Variants in RAF1 observed in about 807,000 individuals in gnomAD.
RAF1 encodes RAF proto-oncogene serine/threonine-protein kinase.
A neutral mutation model predicts 81.1 loss-of-function variants in RAF1; 27 were observed. That is an observed-to-expected ratio of 0.33 (90% CI 0.25 to 0.46). RAF1 has a LOEUF of 0.46. RAF1 is among the 20% of genes least tolerant of loss of function. RAF1 has a pLI of 1.00. For missense variants in RAF1, 598 were observed against 826.0 expected, an observed-to-expected ratio of 0.72 and a Z score of 3.38; for synonymous variants, 298 against 294.0, an observed-to-expected ratio of 1.01 and a Z score of -0.14.
intron 1 of RAF1, among the ~76,000 whole-genome samples, chr3:12,660,938 C>T (rs962865108): frequency 8.5e-5 from 13 of 152,222 alleles, no homozygotes; most frequent in Admixed American, 2.0e-4. Context: ...CGCACCACTG[C>T]GCTAAAAAAA....
Position 12,585,758 on chromosome 3 carries a change from A to G in RAF1, c.1519T>C (p.Phe507Leu). The G allele has an allele frequency of 6.2e-7, 1 of 1,614,120 alleles. No individual in the cohort carries two copies. Among genetic ancestry groups the G allele is most frequent in the Non-Finnish European group, 8.5e-7 (1 of 1,179,956 alleles). Residue 507 changes from phenylalanine (F) to leucine (L), a missense_variant, in exon 15 of 18, where the codon TTT (phenylalanine) becomes CTT (leucine). Phe to Leu is a conservative substitution (Grantham distance 22). This residue lies in a region of RAF1 where 85 missense variants were observed against 185.6 expected (regional missense o/e 0.46). Transcript: ENST00000442415. Reference sequence around the variant, plus strand: ...CGTGACTTTACTGTTGCCAAACCAAAATCTCCAATTTTCACTGTTAAGCCT... The same window carrying G: ...CGTGACTTTACTGTTGCCAAACCAAGATCTCCAATTTTCACTGTTAAGCCT...
Position 12,634,443 on chromosome 3 carries a change from G to A in RAF1, c.-26-15696C>T, listed in dbSNP as rs995935838. Among the ~76,000 whole-genome samples, 5 of 152,012 alleles carry A rather than the reference G, an allele frequency of 3.3e-5. No homozygotes were observed. In the East Asian group the frequency reaches 5.8e-4, roughly 18 times the overall value. Reference sequence around the variant, plus strand: ...TGGGATTACGGGCTTGAGCCACCGCGCCTGGCCCGTAATTCCTTTCTCAAG... The same window carrying A: ...TGGGATTACGGGCTTGAGCCACCGCACCTGGCCCGTAATTCCTTTCTCAAG... On this transcript the variant is annotated intron_variant, in intron 1 of 17. Transcript: ENST00000442415.
At chr3:12,660,930 C>T (rs1559499425) in intron 1 of RAF1, among the ~76,000 whole-genome samples, 1 of 152,106 alleles carries the variant, frequency 6.6e-6, no homozygotes, top group Non-Finnish European at 1.5e-5. Context: ...GCCAAGATCG[C>T]ACCACTGCGC....
intron 1 of RAF1, among the ~76,000 whole-genome samples, chr3:12,631,573 T>C (rs2059861780): frequency 6.6e-6 from 1 of 152,210 alleles, no homozygotes. Context: ...CACTCCAGCC[T>C]AGGCGACACA....
intron 8 of RAF1, among the ~76,000 whole-genome samples, chr3:12,601,874 G>C (rs563021855): frequency 6.6e-6 from 1 of 152,314 alleles, no homozygotes; most frequent in East Asian, 1.9e-4. Context: ...AGCATGTTTT[G>C]GAGGGGAATG....
Position 12,662,747 on chromosome 3 carries a change from G to A in RAF1, c.-27+1066C>T, listed in dbSNP as rs1456923498. ...CACAGGTGTTTCAAAACTCGACTCA[G>A]AAGTCTCCTCGAGTGTAGAAGCTTC... On this transcript the variant is annotated intron_variant, in intron 1 of 17. Transcript: ENST00000442415. 2.6e-5 allele frequency among the ~76,000 whole-genome samples: 4 copies of A among 152,134 alleles called. No individual in the cohort carries two copies. The East Asian group carries it at 7.7e-4, about 29-fold the overall frequency.
At chr3:12,618,840 G>A in intron 1 of RAF1, 93 bp from the exon 2 acceptor site, 1 of 1,044,498 alleles carries the variant, frequency 9.6e-7, no homozygotes, top group Non-Finnish European at 1.4e-6. Flanking sequence ...ATAGCACTAT[G>A]TGGGTTTTTA....
intron 11 of RAF1, among the ~76,000 whole-genome samples, chr3:12,597,293 A>G (rs1403155226): frequency 2.0e-5 from 3 of 152,226 alleles, no homozygotes; most frequent in Non-Finnish European, 4.4e-5. Flanking sequence ...CACAGTTTGA[A>G]AGCTCACTCT....
rs1299696665 is a variant in RAF1 at position 12,585,381 on chromosome 3, T to TC, written c.1597-129dup. Reference sequence around the variant, plus strand: ...CATTCTTCAGTCCCCACATAGCTTTTCCCCCAAAGGACTCCAACTCAGGCA... The same window carrying TC: ...CATTCTTCAGTCCCCACATAGCTTTTCCCCCCAAAGGACTCCAACTCAGGCA... On this transcript the variant is annotated intron_variant, in intron 15 of 17. Transcript: ENST00000442415. 1.1e-5 allele frequency: 17 copies of TC among 1,545,480 alleles called. 1 individual carries two copies. The highest frequency in any genetic ancestry group is 1.1e-4 in the South Asian group (9 of 84,802).
chr3:12,633,633 TAAA>T (rs34440484), intron 1 of RAF1, among the ~76,000 whole-genome samples: 207 of 146,546 alleles, frequency 1.4e-3, no homozygotes, highest in South Asian at 2.4e-3. Flanking sequence ...CTTTTACAGT[TAAA>T]AAAAAAAAAA....
intron 1 of RAF1, among the ~76,000 whole-genome samples, chr3:12,623,916 G>A (rs1305810791): frequency 3.3e-5 from 5 of 149,518 alleles, no homozygotes; most frequent in East Asian, 4.0e-4. Context: ...ATGCAGTGGC[G>A]CGATCTTGGC....
chr3:12,645,564 T>G (rs368292260), intron 1 of RAF1, among the ~76,000 whole-genome samples: 2 of 152,240 alleles, frequency 1.3e-5, no homozygotes, highest in African/African-American at 4.8e-5. Flanking sequence ...AATTTTTGTT[T>G]GTTTTTCACA....
At chr3:12,593,294 T>A (rs2058578185) in intron 11 of RAF1, among the ~76,000 whole-genome samples, 1 of 151,982 alleles carries the variant, frequency 6.6e-6, no homozygotes, top group East Asian at 1.9e-4. Flanking sequence ...TTGCCCAGGC[T>A]GGTCTCAAAC....
At chr3:12,643,016 A>G (rs1005936883) in intron 1 of RAF1, among the ~76,000 whole-genome samples, 1 of 152,102 alleles carries the variant, frequency 6.6e-6, no homozygotes, top group Non-Finnish European at 1.5e-5. Flanking sequence ...GAAGAACAGA[A>G]GCAGGAGGAC....
At chr3:12,605,248 TTATG>T (rs2058987059) in intron 6 of RAF1, among the ~76,000 whole-genome samples, 1 of 111,716 alleles carries the variant, frequency 9.0e-6, no homozygotes, top group Non-Finnish European at 2.1e-5. Flanking sequence ...TGATTACACA[TTATG>T]TGTGTGTGTG....
intron 1 of RAF1, among the ~76,000 whole-genome samples, chr3:12,626,530 G>A (rs1424518569): frequency 6.6e-6 from 1 of 151,432 alleles, no homozygotes; most frequent in African/African-American, 2.4e-5. Flanking sequence ...GGTCGAAGCT[G>A]CAGTGTGCCA....
At chr3:12,598,241 GCTCAAGT>G (rs1224100511) in intron 11 of RAF1, among the ~76,000 whole-genome samples, 1 of 151,894 alleles carries the variant, frequency 6.6e-6, no homozygotes, top group Non-Finnish European at 1.5e-5. Context: ...GAACTCCTAG[GCTCAAGT>G]GTTCTGCCTG....
intron 1 of RAF1, among the ~76,000 whole-genome samples, chr3:12,660,468 T>C (rs1327054461): frequency 6.6e-6 from 1 of 152,000 alleles, no homozygotes; most frequent in Non-Finnish European, 1.5e-5. Flanking sequence ...CTGCTGATTT[T>C]TTTCTTTTTG....
intron 1 of RAF1, among the ~76,000 whole-genome samples, chr3:12,640,304 A>G (rs1213376343): frequency 6.6e-6 from 1 of 152,232 alleles, no homozygotes; most frequent in African/African-American, 2.4e-5. Flanking sequence ...GGACATAGGC[A>G]TGGGCAAGGA....
Sources: gnomAD v4.1 joint callset for allele counts (sites outside exome capture counted in the v4.1 genomes callset) on GRCh38, gnomAD v4.1.1 for gene constraint, gnomAD v4.1.1 regional missense constraint, MANE v1.5 for transcripts, NCBI Gene and HGNC (gene_info 2026-07-23, HGNC 2026-07-21) for gene names.